Variants in PRKN observed in about 807,000 individuals in gnomAD.
PRKN encodes the protein E3 ubiquitin-protein ligase parkin.
PRKN carries 56 observed loss-of-function variants against 59.5 expected under a neutral mutation model. The observed-to-expected ratio is 0.94, with a 90% CI of 0.76 to 1.18. PRKN has a LOEUF of 1.18. PRKN is among the 50% of genes most tolerant of loss of function. The probability of loss-of-function intolerance (pLI) is 0.00; values close to 1 mark genes in which losing one functional copy is unlikely to be tolerated. For synonymous variants in PRKN, 250 were observed against 222.1 expected (o/e 1.13, Z -1.12); for missense variants, 657 against 596.4 (o/e 1.10, Z -1.06).
chr6:162,028,724 G>A (rs1783529695), intron 5 of PRKN, among the ~76,000 whole-genome samples: 2 of 152,204 alleles, frequency 1.3e-5, no homozygotes. Flanking sequence ...GCATTGGCTT[G>A]GGAATATTGG....
At chr6:162,549,698 G>A (rs1047366964) in intron 1 of PRKN, among the ~76,000 whole-genome samples, 1 of 149,842 alleles carries the variant, frequency 6.7e-6, no homozygotes. Flanking sequence ...AAGTGCAGTG[G>A]TGCAATCTCG....
At chr6:161,797,448 G>C (rs1790897911) in intron 6 of PRKN, among the ~76,000 whole-genome samples, 1 of 152,072 alleles carries the variant, frequency 6.6e-6, no homozygotes, top group African/African-American at 2.4e-5. Context: ...TGTATTTTTA[G>C]TAGATGGGGT....
rs1782287465 is a variant in PRKN at position 162,613,763 on chromosome 6, C to T, written c.7+113899G>A. On this transcript the variant is annotated intron_variant, in intron 1 of 11. Transcript: ENST00000366898. ...GTAAACAGAATGGCTGATAAAATGC[C>T]TTACAGACTGAAACGCAAGATGACC... Among the ~76,000 whole-genome samples the T allele has an allele frequency of 2.0e-5, 3 of 152,064 alleles. No individual in the cohort carries two copies. The South Asian group carries it at 6.2e-4, about 32-fold the overall frequency.
rs9365476 is a variant in PRKN, at chr6:162,638,600, C to T, written c.7+89062G>A. The stretch of plus-strand genomic sequence containing the variant: ...TCCTCTGGCCAAGTCATCTAAAACA[C>T]GCATTCCAGTTGAATCTTTTGGAAA... On this transcript the variant is annotated intron_variant, in intron 1 of 11. Coordinates refer to ENST00000366898, the MANE Select transcript of PRKN (RefSeq NM_004562.3). Among the ~76,000 whole-genome samples, 8 of 152,278 alleles carry T rather than the reference C, an allele frequency of 5.3e-5. No individual in the cohort carries two copies. The East Asian group carries it at 5.8e-4, about 11-fold the overall frequency.
chr6:162,512,571 T>C (rs1777675017), intron 1 of PRKN, among the ~76,000 whole-genome samples: 1 of 152,204 alleles, frequency 6.6e-6, no homozygotes, highest in Non-Finnish European at 1.5e-5. Context: ...TTATACCTAG[T>C]GTCCGTCATA....
intron 4 of PRKN, among the ~76,000 whole-genome samples, chr6:162,078,185 G>A (rs559639008): frequency 6.6e-6 from 1 of 151,852 alleles, no homozygotes; most frequent in East Asian, 1.9e-4. Flanking sequence ...CAGATCATGG[G>A]TTCTCAGCAT....
At chr6:162,058,626 T>A (rs1438495056) in intron 4 of PRKN, among the ~76,000 whole-genome samples, 2 of 152,174 alleles carry the variant, frequency 1.3e-5, no homozygotes, top group Non-Finnish European at 2.9e-5. Context: ...CATGCAATGG[T>A]CAATAACACA....
Position 162,340,265 on chromosome 6 carries a change from G to A in PRKN, c.172-77500C>T, listed in dbSNP as rs559214576. Among the ~76,000 whole-genome samples the A allele has an allele frequency of 2.7e-4, 41 of 152,078 alleles. No individual in the cohort carries two copies. The South Asian group carries it at 7.3e-3, about 27-fold the overall frequency. On this transcript the variant is annotated intron_variant, in intron 2 of 11. Coordinates refer to ENST00000366898, the MANE Select transcript of PRKN (RefSeq NM_004562.3). ...CAATTACTCAGTTTCTCTATTTCAAGTAAATTGGATATAACACTTGAATAG... is the reference window on the plus strand; with the variant it reads ...CAATTACTCAGTTTCTCTATTTCAAATAAATTGGATATAACACTTGAATAG...
At chr6:162,235,673 G>T (rs973187072) in intron 3 of PRKN, among the ~76,000 whole-genome samples, 2 of 151,882 alleles carry the variant, frequency 1.3e-5, no homozygotes, top group Middle Eastern at 6.8e-3. Context: ...CGCGGTGGCT[G>T]GTGCCTGTAA....
chr6:161,408,259 C>T (rs1037721197), intron 9 of PRKN, among the ~76,000 whole-genome samples: 3 of 145,496 alleles, frequency 2.1e-5, no homozygotes, highest in African/African-American at 5.1e-5. Flanking sequence ...CATCATTAAA[C>T]ATGGCGTTAG....
At chr6:161,493,058 C>A (rs528165865) in intron 9 of PRKN, among the ~76,000 whole-genome samples, 1 of 152,040 alleles carries the variant, frequency 6.6e-6, no homozygotes, top group African/African-American at 2.4e-5. Context: ...TTAAATGCCA[C>A]CAAAGATAAA....
rs964178886 is a variant in PRKN at position 161,518,169 on chromosome 6, T to C, written c.1083+30685A>G. 1.3e-5 allele frequency among the ~76,000 whole-genome samples: 2 copies of C among 152,060 alleles called. No individual in the cohort carries two copies. The highest frequency in any genetic ancestry group is 4.8e-5 in the African/African-American group (2 of 41,400). On this transcript the variant is annotated intron_variant, in intron 9 of 11. Coordinates refer to ENST00000366898, the MANE Select transcript of PRKN (RefSeq NM_004562.3). The surrounding 1 kb of genome is among the most constrained non-coding windows in gnomAD (Gnocchi z 5.0). ...ACTCACTGCCTCCCTCACTGGCAGC[T>C]GGACAGTGACTCCACACCATGGGGC...
rs539921650 is a variant in PRKN at position 161,569,244 on chromosome 6, C to T, written c.933+111G>A. ...TCCAGCATGGTTTTCTTCCCCATTTCAGGGCACCCAGGGTCAGGAGACATA... is the reference window on the plus strand; with the variant it reads ...TCCAGCATGGTTTTCTTCCCCATTTTAGGGCACCCAGGGTCAGGAGACATA... On this transcript the variant is annotated intron_variant, in intron 8 of 11. Transcript: ENST00000366898. The T allele has an allele frequency of 1.1e-4, 106 of 925,650 alleles. No individual in the cohort carries two copies. In the Middle Eastern group the frequency reaches 1.7e-3, roughly 15 times the overall value. 57.3% of individuals were successfully genotyped at this position (925,650 alleles called of 1,614,324 possible).
intron 1 of PRKN, among the ~76,000 whole-genome samples, chr6:162,696,884 T>G (rs1777991449): frequency 6.6e-6 from 1 of 152,102 alleles, no homozygotes; most frequent in South Asian, 2.1e-4. Flanking sequence ...AACAAATCCC[T>G]GAGGTTACAT....
At chr6:161,957,584 T>C (rs1780229116) in intron 6 of PRKN, among the ~76,000 whole-genome samples, 1 of 151,932 alleles carries the variant, frequency 6.6e-6, no homozygotes, top group Non-Finnish European at 1.5e-5. Flanking sequence ...GCCACCACGC[T>C]CAGCTAATTT....
chr6:161,946,929 G>C (rs1322170867), intron 6 of PRKN, among the ~76,000 whole-genome samples: 1 of 152,174 alleles, frequency 6.6e-6, no homozygotes, highest in Non-Finnish European at 1.5e-5. Flanking sequence ...AATGTAAAAA[G>C]CGCGTTGCAA....
At chr6:161,783,807 C>T (rs564571002) in intron 7 of PRKN, 112 of 405,198 alleles carry the variant, frequency 2.8e-4, no homozygotes, top group African/African-American at 2.2e-3. Context: ...ACAAGTTTTC[C>T]TTAACAATAT....
At chr6:162,530,140 A>T (rs77549949) in intron 1 of PRKN, among the ~76,000 whole-genome samples, 3 of 67,062 alleles carry the variant, frequency 4.5e-5, no homozygotes, top group South Asian at 4.0e-4. Flanking sequence ...GTCTCAATAA[A>T]AAAAAAAAAA....
chr6:162,339,306 C>A lies in PRKN; in HGVS notation c.172-76541G>T, dbSNP rs531601874. 1.8e-4 allele frequency among the ~76,000 whole-genome samples: 25 copies of A among 141,234 alleles called. 1 individual carries two copies. In the South Asian group the frequency reaches 5.3e-3, roughly 30 times the overall value. The allele number at this position is 141,234 out of a possible 152,430, so 92.7% of individuals were successfully genotyped here. On this transcript the variant is annotated intron_variant, in intron 2 of 11. Coordinates refer to ENST00000366898, the MANE Select transcript of PRKN (RefSeq NM_004562.3). ...GGAGGGAGGTGGGGGGGTCAGCCCC[C>A]CGCCCGGCCAGCCGCGCCGTCTGGG...
Sources: gnomAD v4.1 joint callset for allele counts (sites outside exome capture counted in the v4.1 genomes callset) on GRCh38, gnomAD v4.1.1 for gene constraint, Gnocchi (gnomAD v3.1) non-coding constraint, MANE v1.5 for transcripts, NCBI Gene and HGNC (gene_info 2026-07-23, HGNC 2026-07-21) for gene names.